The following PMPCA variants were observed in gnomAD, a reference collection of about 807,000 sequenced individuals.
PMPCA encodes peptidase, mitochondrial processing subunit alpha, also known as mitochondrial-processing peptidase subunit alpha.
PMPCA carries 47 observed loss-of-function variants against 59.3 expected under a neutral mutation model. The ratio of observed to expected loss-of-function variants is 0.79; its 90% CI spans 0.63 to 1.01. The LOEUF (loss-of-function observed/expected upper bound fraction) is 1.01, where lower values mean the gene tolerates loss of function less well. Among genes scored for constraint, PMPCA ranks in the 50% least tolerant of loss-of-function variants. The pLI, the probability that PMPCA is intolerant of heterozygous loss-of-function variation, is 0.00. For synonymous variants in PMPCA, 338 were observed against 290.3 expected, an observed-to-expected ratio of 1.16 and a Z score of -1.67; for missense variants, 726 against 704.5, an observed-to-expected ratio of 1.03 and a Z score of -0.34.
intron 12 of PMPCA, chr9:136,422,461 T>C (rs1835484754): frequency 9.4e-7 from 1 of 1,061,422 alleles, no homozygotes; most frequent in Non-Finnish European, 1.1e-6. Flanking sequence ...ATCGGACTCT[T>C]CTGGGGGACA....
rs752263915 is a variant in PMPCA, at chr9:136,416,365, C to T, written c.607C>T (p.Pro203Ser). ...CCTGAACCTGCGGCCTGACCCAGAG[C>T]CACTTCTCACCGAGATGATTCATGA... ...EDLNLRPDPE[P>S]LLTEMIHEAA... Residue 203 changes from proline (P) to serine (S), a missense_variant, in exon 6 of 13, where the codon CCA (proline) becomes TCA (serine). Pro to Ser is a moderately conservative substitution (Grantham distance 74). Coordinates refer to ENST00000371717, the MANE Select transcript of PMPCA (RefSeq NM_015160.3). The T allele has an allele frequency of 2.4e-5, 39 of 1,612,622 alleles. 1 individual carries two copies. The highest frequency in any genetic ancestry group is 1.6e-4 in the Middle Eastern group (1 of 6,072).
intron 11 of PMPCA, 160 bp downstream of exon 11, chr9:136,419,266 G>C (rs1835378218): frequency 1.4e-6 from 1 of 736,900 alleles, no homozygotes; most frequent in Non-Finnish European, 2.5e-6. Context: ...CACAGCCTGG[G>C]GCTGAGCTGC....
chr9:136,421,268 A>G lies in PMPCA; in HGVS notation c.1264-564A>G, dbSNP rs541512859. On this transcript the variant is annotated intron_variant, in intron 11 of 12. Coordinates refer to ENST00000371717, the MANE Select transcript of PMPCA (RefSeq NM_015160.3). Reference sequence around the variant, plus strand: ...TCTCCCGCTGCATGTCACACAGACAATGAAGAACTCAAGGGAGGCACATTG... The same window carrying G: ...TCTCCCGCTGCATGTCACACAGACAGTGAAGAACTCAAGGGAGGCACATTG... Among the ~76,000 whole-genome samples, 60 of 152,358 alleles carry G rather than the reference A, an allele frequency of 3.9e-4. 1 individual carries two copies. The highest frequency in any genetic ancestry group is 3.9e-3 in the South Asian group (19 of 4,832).
chr9:136,413,067 C>G, intron 4 of PMPCA, 175 bp downstream of exon 4: 2 of 564,084 alleles, frequency 3.5e-6, no homozygotes. Flanking sequence ...GAAGCACAGC[C>G]CCCAGGAGCT....
chr9:136,421,404 G>T (rs1227878552), intron 11 of PMPCA, among the ~76,000 whole-genome samples: 29 of 118,004 alleles, frequency 2.5e-4, no homozygotes, highest in African/African-American at 8.2e-4. Flanking sequence ...CTGGGTTCCC[G>T]TTTTTTTTTT....
At position 136,422,315 on chromosome 9, in the gene PMPCA, C is replaced by A. The variant is rs140407978; in HGVS notation, c.1408+339C>A. On this transcript the variant is annotated intron_variant, in intron 12 of 12. Transcript: ENST00000371717. The stretch of plus-strand genomic sequence containing the variant: ...CTCAGTAGAGGACTGCTACATTGTA[C>A]GTGGAGTAGCAGTGGCTCGGAATGC... The A allele has an allele frequency of 2.7e-4, 330 of 1,208,006 alleles. No individual in the cohort carries two copies. In the African/African-American group the frequency reaches 5.0e-3, roughly 18 times the overall value. 74.8% of individuals were successfully genotyped at this position (1,208,006 alleles called of 1,614,324 possible).
chr9:136,416,345 A>G lies in PMPCA; in HGVS notation c.587A>G (p.Asn196Ser). Residue 196 changes from asparagine to serine, a missense_variant, in exon 6 of 13, where the codon AAC becomes AGC. Transcript: ENST00000371717. ...GTCCAGTTTGAGCTGGAGGACCTGA[A>G]CCTGCGGCCTGACCCAGAGCCACTT... ...MAVQFELEDL[N>S]LRPDPEPLLT... 1 of 1,613,950 alleles carries G rather than the reference A, an allele frequency of 6.2e-7. No individual in the cohort carries two copies. Among genetic ancestry groups the G allele is most frequent in the African/African-American group, 1.3e-5 (1 of 75,004 alleles).
intron 8 of PMPCA, 66 bp downstream of exon 8, chr9:136,418,175 C>T: frequency 8.5e-7 from 1 of 1,176,304 alleles, no homozygotes; most frequent in Non-Finnish European, 1.3e-6. Flanking sequence ...CAGCCCTGCC[C>T]TCTGTCCCTG....
intron 11 of PMPCA, among the ~76,000 whole-genome samples, chr9:136,421,597 A>G (rs1835452737): frequency 6.6e-6 from 1 of 151,960 alleles, no homozygotes; most frequent in Non-Finnish European, 1.5e-5. Context: ...TATTTTTAGT[A>G]GAGAAGGGGT....
At position 136,422,158 on chromosome 9, in the gene PMPCA, G is replaced by A. The variant is rs776966897; in HGVS notation, c.1408+182G>A. 3.1e-5 allele frequency: 47 copies of A among 1,535,210 alleles called. No individual in the cohort carries two copies. The African/African-American group carries it at 5.5e-4, about 18-fold the overall frequency. On this transcript the variant is annotated intron_variant, in intron 12 of 12. Coordinates refer to ENST00000371717, the MANE Select transcript of PMPCA (RefSeq NM_015160.3). ...GGCAGGGTCGTGGGGTCGCAGACCT[G>A]GTCTCACTTCCCGGCCCCACCATGC...
rs1226450565 is a variant in PMPCA, at chr9:136,417,840, T to G, written c.898-177T>G. ...ATTGCCTAGGCTGGTCTTGAACTCCTGGACTCAAGTGATCTGCCCACCTTG... is the reference window on the plus strand; with the variant it reads ...ATTGCCTAGGCTGGTCTTGAACTCCGGGACTCAAGTGATCTGCCCACCTTG... On this transcript the variant is annotated intron_variant, in intron 7 of 12. Transcript: ENST00000371717. Among the ~76,000 whole-genome samples the G allele has an allele frequency of 2.6e-5, 4 of 152,030 alleles. No homozygotes were observed. The East Asian group carries it at 7.7e-4, about 29-fold the overall frequency.
In PMPCA at chr9:136,412,020, G is replaced by A. The variant is rs1193071545; in HGVS notation, c.95G>A (p.Arg32Gln). The change falls in exon 2 of 13, where the codon CGG becomes CAG. Residue 32 changes from arginine (R) to glutamine (Q), a missense_variant. Physicochemically the swap from Arg to Gln is conservative, Grantham distance 43. Transcript: ENST00000371717. ...AGGTTTGGACCTCCTGCGTACAGAC[G>A]GTTTAGTAGTGGTGGTGCCTATCCC... ...RLRFGPPAYR[R>Q]FSSGGAYPNI... 1.9e-6 allele frequency: 3 copies of A among 1,612,474 alleles called. No individual in the cohort carries two copies. The highest frequency in any genetic ancestry group is 2.7e-5 in the African/African-American group (2 of 74,888).
At chr9:136,411,818 C>G (rs1259833831) in intron 1 of PMPCA, among the ~76,000 whole-genome samples, 179 bp from the exon 2 acceptor site, 1 of 152,210 alleles carries the variant, frequency 6.6e-6, no homozygotes, top group African/African-American at 2.4e-5. Flanking sequence ...CTCCAGGTCC[C>G]GTGGCTGAGC....
rs147156236 is a variant in PMPCA, at chr9:136,422,308, C to T, written c.1408+332C>T. Reference sequence around the variant, plus strand: ...AGAAGGGCTCAGTAGAGGACTGCTACATTGTACGTGGAGTAGCAGTGGCTC... The same window carrying T: ...AGAAGGGCTCAGTAGAGGACTGCTATATTGTACGTGGAGTAGCAGTGGCTC... On this transcript the variant is annotated intron_variant, in intron 12 of 12. Coordinates refer to ENST00000371717, the MANE Select transcript of PMPCA (RefSeq NM_015160.3). The T allele has an allele frequency of 1.8e-3, 2,260 of 1,227,116 alleles. 1 individual carries two copies. Among genetic ancestry groups the T allele is most frequent in the Non-Finnish European group, 2.2e-3 (2,106 of 964,670 alleles). The allele number at this position is 1,227,116 out of a possible 1,614,324, so 76.0% of individuals were successfully genotyped here. A position where few individuals can be genotyped will look rare whatever the true frequency, so the allele number is the denominator to read the frequency against.
chr9:136,423,204 C>A lies in PMPCA; in HGVS notation c.1518C>A (p.Ile506=), dbSNP rs1421280194. The change falls in exon 13 of 13, where the codon ATC becomes ATA. Residue 506 remains isoleucine, a synonymous_variant. Coordinates refer to ENST00000371717, the MANE Select transcript of PMPCA (RefSeq NM_015160.3). Reference sequence around the variant, plus strand: ...CTGACCTGCCCACGTATGAGCACATCCAGACCGCCCTGTCGAGTAAGGACG... The same window carrying A: ...CTGACCTGCCCACGTATGAGCACATACAGACCGCCCTGTCGAGTAAGGACG... ...DLTDLPTYEH[I]QTALSSKDGR... The A allele has an allele frequency of 6.2e-7, 1 of 1,613,752 alleles. No individual in the cohort carries two copies. The highest frequency in any genetic ancestry group is 1.1e-5 in the South Asian group (1 of 91,088).
Position 136,414,637 on chromosome 9 carries a change from C to A in PMPCA, c.522C>A (p.Pro174=). The change falls in exon 5 of 13, where the codon CCC becomes CCA. Residue 174 remains proline, a synonymous_variant. Coordinates refer to ENST00000371717, the MANE Select transcript of PMPCA (RefSeq NM_015160.3). ...VALLADVVLQ[P]RLTDEEVEMT... is the part of the protein sequence containing the mutation. ...TACTGGCTGATGTGGTTCTGCAGCCCCGGCTAACAGGTGTGGATCCCAGCC... is the reference window on the plus strand; with the variant it reads ...TACTGGCTGATGTGGTTCTGCAGCCACGGCTAACAGGTGTGGATCCCAGCC... 6.2e-7 allele frequency: 1 copy of A among 1,609,780 alleles called. No individual in the cohort carries two copies. The highest frequency in any genetic ancestry group is 8.5e-7 in the Non-Finnish European group (1 of 1,176,074).
At chr9:136,419,990 A>AG (rs1835402910) in intron 11 of PMPCA, 3 of 134,818 alleles carry the variant, frequency 2.2e-5, no homozygotes, top group Non-Finnish European at 4.8e-5. Flanking sequence ...TTATACACAC[A>AG]CTTTTTTTTT....
In PMPCA at chr9:136,412,038, C is replaced by T; in HGVS notation, c.113C>T (p.Ala38Val). ...TACAGACGGTTTAGTAGTGGTGGTGCCTATCCCAACATCCCCCTCTCTTCT... is the reference window on the plus strand; with the variant it reads ...TACAGACGGTTTAGTAGTGGTGGTGTCTATCCCAACATCCCCCTCTCTTCT... ...PAYRRFSSGG[A>V]YPNIPLSSPL... Residue 38 changes from alanine to valine, a missense_variant, in exon 2 of 13, where the codon GCC (alanine) becomes GTC (valine). By Grantham distance (64) the Ala-to-Val change is moderately conservative. Coordinates refer to ENST00000371717, the MANE Select transcript of PMPCA (RefSeq NM_015160.3). 3 of 1,613,236 alleles carry T rather than the reference C, an allele frequency of 1.9e-6. No homozygotes were observed. The highest frequency in any genetic ancestry group is 2.5e-6 in the Non-Finnish European group (3 of 1,179,268).
intron 6 of PMPCA, 29 bp from the exon 7 acceptor site, chr9:136,416,922 C>A: frequency 6.3e-7 from 1 of 1,582,680 alleles, no homozygotes; most frequent in South Asian, 1.1e-5. Flanking sequence ...TGTCTTCAGT[C>A]ACCTGTGTCT....
Sources: gnomAD v4.1 joint callset for allele counts (sites outside exome capture counted in the v4.1 genomes callset) on GRCh38, gnomAD v4.1.1 for gene constraint, MANE v1.5 for transcripts, NCBI Gene and HGNC (gene_info 2026-07-23, HGNC 2026-07-21) for gene names.